Variants in ZNF641 observed in about 807,000 individuals in gnomAD.
ZNF641 encodes the protein zinc finger protein 641.
In ZNF641, 26 loss-of-function variants were observed where a neutral mutation model predicts 46.2. The ratio of observed to expected loss-of-function variants is 0.56; its 90% confidence interval spans 0.41 to 0.78. ZNF641 has a LOEUF of 0.78. Ranked by LOEUF, ZNF641 falls within the 30% of genes least tolerant of loss-of-function variation. The pLI, the probability that ZNF641 is intolerant of heterozygous loss-of-function variation, is 0.00. For missense variants in ZNF641, 469 were observed against 517.8 expected, an observed-to-expected ratio of 0.91 and a Z score of 0.91; for synonymous variants, 163 against 187.9, an observed-to-expected ratio of 0.87 and a Z score of 1.09.
Position 48,343,429 on chromosome 12 carries a change from AGT to A in ZNF641, c.817_818del (p.Thr273TrpfsTer11), listed in dbSNP as rs772772007. 6.2e-7 allele frequency: 1 copy of A among 1,614,160 alleles called. No homozygotes were observed. The highest frequency in any genetic ancestry group is 8.5e-7 in the Non-Finnish European group (1 of 1,180,006). ...TGAGGCAGCTGTAGGGTCTCTCCCCAGTGTGTGTTTGTTGATGCCTGGCAAGG... is the reference window on the plus strand; with the variant it reads ...TGAGGCAGCTGTAGGGTCTCTCCCCAGTGTGTTTGTTGATGCCTGGCAAGG... ...SHLARHQQTH[T>X]GERPYSCLKC... On this transcript the variant is annotated frameshift_variant, in exon 6 of 6. Coordinates refer to ENST00000547026, the MANE Select transcript of ZNF641 (RefSeq NM_001172681.2). LOFTEE classifies it high-confidence loss of function.
In ZNF641 at chr12:48,341,766, C is replaced by A; in HGVS notation, c.*1207G>T. Reference sequence around the variant, plus strand: ...GAAACAGCTCACCTCCCCAAAGACTCCTCTTTCTCTGCCAGGGCAAAAGCA... The same window carrying A: ...GAAACAGCTCACCTCCCCAAAGACTACTCTTTCTCTGCCAGGGCAAAAGCA... On this transcript the variant is annotated 3_prime_UTR_variant, in exon 6 of 6. Coordinates refer to ENST00000547026, the MANE Select transcript of ZNF641 (RefSeq NM_001172681.2). 1.0e-6 allele frequency: 1 copy of A among 985,488 alleles called. No homozygotes were observed. Among genetic ancestry groups the A allele is most frequent in the South Asian group, 4.7e-5 (1 of 21,290 alleles). The allele number at this position is 985,488 out of a possible 1,614,324, so 61.0% of individuals were successfully genotyped here.
Position 48,341,360 on chromosome 12 carries a change from A to G in ZNF641, c.*1613T>C, listed in dbSNP as rs1952712467. 1 of 985,282 alleles carries G rather than the reference A, an allele frequency of 1.0e-6. No individual in the cohort carries two copies. The highest frequency in any genetic ancestry group is 1.2e-6 in the Non-Finnish European group (1 of 829,876). The allele number at this position is 985,282 out of a possible 1,614,324, so 61.0% of individuals were successfully genotyped here. On this transcript the variant is annotated 3_prime_UTR_variant, in exon 6 of 6. Transcript: ENST00000547026. ...TTACATACAAGATAATTTTTAAATT[A>G]TAAGATTGGTATTAACACAATTATT...
At chr12:48,346,994 C>CA (rs1477746587) in intron 3 of ZNF641, among the ~76,000 whole-genome samples, 3 of 152,190 alleles carry the variant, frequency 2.0e-5, no homozygotes, top group Non-Finnish European at 4.4e-5. Context: ...CAGGGCAACA[C>CA]AGTGAGATTC....
In ZNF641 at chr12:48,341,098, A is replaced by G; in HGVS notation, c.*1875T>C. 2.0e-6 allele frequency: 2 copies of G among 985,448 alleles called. No homozygotes were observed. Among genetic ancestry groups the G allele is most frequent in the Non-Finnish European group, 2.4e-6 (2 of 829,934 alleles). The allele number at this position is 985,448 out of a possible 1,614,324, so 61.0% of individuals were successfully genotyped here. A position where few individuals can be genotyped will look rare whatever the true frequency, so the allele number is the denominator to read the frequency against. Reference sequence around the variant, plus strand: ...AACTCTAAGAAGCCCAGTCAGCAAAATAAGTCTATCTTCAATTCTAGTTGA... The same window carrying G: ...AACTCTAAGAAGCCCAGTCAGCAAAGTAAGTCTATCTTCAATTCTAGTTGA... On this transcript the variant is annotated 3_prime_UTR_variant, in exon 6 of 6. Transcript: ENST00000547026.
In ZNF641 at chr12:48,350,166, G is replaced by A; in HGVS notation, c.-26+620C>T. On this transcript the variant is annotated intron_variant, in intron 1 of 5. Transcript: ENST00000547026. ...TGATCCCATGCCCACTGCAGTGTGG[G>A]TTCTAGGGCTTTCATTTCCCCCTTT... 3.8e-6 allele frequency: 6 copies of A among 1,590,958 alleles called. No homozygotes were observed. The South Asian group carries it at 6.8e-5, about 18-fold the overall frequency.
At position 48,337,450 on chromosome 12, in the gene ZNF641, A is replaced by T. The variant is rs1231804221; in HGVS notation, c.*5523T>A. The T allele has an allele frequency of 6.6e-6, 1 of 152,244 alleles. No individual in the cohort carries two copies. Among genetic ancestry groups the T allele is most frequent in the African/African-American group, 2.4e-5 (1 of 41,452 alleles). The allele number at this position is 152,244 out of a possible 1,614,324, so 9.4% of individuals were successfully genotyped here. On this transcript the variant is annotated 3_prime_UTR_variant, in exon 6 of 6. Transcript: ENST00000547026. ...GAAGAACACACTGAGAGCAGGAGCA[A>T]GGGTCACATTTGATCTCCCAGGCCT...
chr12:48,350,415 C>G (rs1233371941), intron 1 of ZNF641: 1 of 340,512 alleles, frequency 2.9e-6, no homozygotes, highest in East Asian at 5.7e-5. Flanking sequence ...TGTCACAGTG[C>G]CCCTGGAAAG....
rs758691918 is a variant in ZNF641, at chr12:48,340,156, C to G, written c.*2817G>C. On this transcript the variant is annotated 3_prime_UTR_variant, in exon 6 of 6. Coordinates refer to ENST00000547026, the MANE Select transcript of ZNF641 (RefSeq NM_001172681.2). ...GGCTGTTGCTTGTTTTATTTTTTGT[C>G]CAAGAGAGGTGGTGTTGGACCGAGG... 1.4e-5 allele frequency: 14 copies of G among 985,322 alleles called. No individual in the cohort carries two copies. The highest frequency in any genetic ancestry group is 1.7e-5 in the African/African-American group (1 of 57,324). The allele number at this position is 985,322 out of a possible 1,614,324, so 61.0% of individuals were successfully genotyped here. A position where few individuals can be genotyped will look rare whatever the true frequency, so the allele number is the denominator to read the frequency against.
At chr12:48,348,970 G>C (rs1417683242) in intron 1 of ZNF641, among the ~76,000 whole-genome samples, 3 of 152,218 alleles carry the variant, frequency 2.0e-5, no homozygotes, top group Non-Finnish European at 2.9e-5. Context: ...TTTGAAAGAA[G>C]CGTATGGTGA....
chr12:48,345,606 G>A lies in ZNF641; in HGVS notation c.277-132C>T, dbSNP rs3751274. ...GAAAAGAGCTGCCCAGAAGTCCCTG[G>A]GTAGGGCACATAGTTTTGGTAACAG... is the stretch of plus-strand genomic sequence containing the variant. On this transcript the variant is annotated intron_variant, in intron 3 of 5. Transcript: ENST00000547026. The A allele has an allele frequency of 5.3e-3, 5,780 of 1,084,228 alleles. 247 individuals carry two copies. The East Asian group carries it at 0.1, about 20-fold the overall frequency. 67.2% of individuals were successfully genotyped at this position (1,084,228 alleles called of 1,614,324 possible). A position where few individuals can be genotyped will look rare whatever the true frequency, so the allele number is the denominator to read the frequency against.
chr12:48,346,829 G>A (rs1952884462), intron 3 of ZNF641, among the ~76,000 whole-genome samples: 1 of 152,136 alleles, frequency 6.6e-6, no homozygotes, highest in South Asian at 2.1e-4. Flanking sequence ...TGGCCAACGT[G>A]GCAAAACCTT....
chr12:48,343,012 A>C lies in ZNF641; in HGVS notation c.1236T>G (p.Ser412Arg), dbSNP rs530654346. 9 of 1,614,046 alleles carry C rather than the reference A, an allele frequency of 5.6e-6. No homozygotes were observed. In the South Asian group the frequency reaches 9.9e-5, roughly 18 times the overall value. The change falls in exon 6 of 6, where the codon AGT (serine) becomes AGG (arginine). Residue 412 changes from serine to arginine, a missense_variant. Coordinates refer to ENST00000547026, the MANE Select transcript of ZNF641 (RefSeq NM_001172681.2). ...DRHLLTHQGQ[S>R]PRNSWDRGTS... Reference sequence around the variant, plus strand: ...TTCCTCTGTCCCAGCTGTTCCGGGGACTTTGTCCCTGGTGGGTGAGCAGGT... The same window carrying C: ...TTCCTCTGTCCCAGCTGTTCCGGGGCCTTTGTCCCTGGTGGGTGAGCAGGT...
rs1197621041 is a variant in ZNF641, at chr12:48,338,220, G to A, written c.*4753C>T. On this transcript the variant is annotated 3_prime_UTR_variant, in exon 6 of 6. Transcript: ENST00000547026. Reference sequence around the variant, plus strand: ...ATGGAATAGAATTGGCCAGAAGCTTGAAGAGATAAACTAGAATGGAAGAAG... The same window carrying A: ...ATGGAATAGAATTGGCCAGAAGCTTAAAGAGATAAACTAGAATGGAAGAAG... 1.3e-5 allele frequency: 2 copies of A among 152,350 alleles called. No individual in the cohort carries two copies. Among genetic ancestry groups the A allele is most frequent in the Non-Finnish European group, 2.9e-5 (2 of 68,158 alleles). The allele number at this position is 152,350 out of a possible 1,614,324, so 9.4% of individuals were successfully genotyped here. A position where few individuals can be genotyped will look rare whatever the true frequency, so the allele number is the denominator to read the frequency against.
In ZNF641 at chr12:48,342,515, T is replaced by G. The variant is rs1355775830; in HGVS notation, c.*458A>C. On this transcript the variant is annotated 3_prime_UTR_variant, in exon 6 of 6. Coordinates refer to ENST00000547026, the MANE Select transcript of ZNF641 (RefSeq NM_001172681.2). ...ATACATTTAGGAAACACTGCCTTAA[T>G]AGAACCTTCAGTTGGGTCTACTGCA... 1 of 846,016 alleles carries G rather than the reference T, an allele frequency of 1.2e-6. No homozygotes were observed. Among genetic ancestry groups the G allele is most frequent in the East Asian group, 1.2e-4 (1 of 8,376 alleles). 52.4% of individuals were successfully genotyped at this position (846,016 alleles called of 1,614,324 possible). A position where few individuals can be genotyped will look rare whatever the true frequency, so the allele number is the denominator to read the frequency against.
chr12:48,345,648 G>C (rs533669075), intron 3 of ZNF641, among the ~76,000 whole-genome samples, 174 bp from the exon 4 acceptor site: 2 of 152,308 alleles, frequency 1.3e-5, no homozygotes, highest in African/African-American at 4.8e-5. Context: ...GAGGAGAGGA[G>C]TAAAGGTAGA....
In ZNF641 at chr12:48,339,957, T is replaced by A. The variant is rs766326611; in HGVS notation, c.*3016A>T. On this transcript the variant is annotated 3_prime_UTR_variant, in exon 6 of 6. Coordinates refer to ENST00000547026, the MANE Select transcript of ZNF641 (RefSeq NM_001172681.2). ...AAAGGGGAGGATACTCAGAATAGGG[T>A]GGAGGTACCAGATGGAAAAATGTGA... 1.1e-4 allele frequency: 105 copies of A among 985,388 alleles called. 1 individual carries two copies. Among genetic ancestry groups the A allele is most frequent in the Non-Finnish European group, 1.2e-4 (102 of 829,916 alleles). 61.0% of individuals were successfully genotyped at this position (985,388 alleles called of 1,614,324 possible).
At chr12:48,350,469 G>A (rs1190313330) in intron 1 of ZNF641, 4 of 207,028 alleles carry the variant, frequency 1.9e-5, no homozygotes, top group Non-Finnish European at 3.0e-5. Context: ...CTGGAGCAGG[G>A]GAAGTGAGGT....
At chr12:48,347,880 C>T (rs118052620) in intron 2 of ZNF641, 27 bp downstream of exon 2, 57,629 of 1,607,822 alleles carry the variant, frequency 0.036, 1,203 homozygotes, top group Non-Finnish European at 0.04. Context: ...ATGCACTGTG[C>T]TTCCCACACA....
In ZNF641 at chr12:48,340,388, T is replaced by C; in HGVS notation, c.*2585A>G. The stretch of plus-strand genomic sequence containing the variant: ...GGGCGTGATCTAATAGTAAGGAATA[T>C]CACTTCCCACAAGTCCTTCAAACAA... On this transcript the variant is annotated 3_prime_UTR_variant, in exon 6 of 6. Coordinates refer to ENST00000547026, the MANE Select transcript of ZNF641 (RefSeq NM_001172681.2). 2 of 985,438 alleles carry C rather than the reference T, an allele frequency of 2.0e-6. No homozygotes were observed. Among genetic ancestry groups the C allele is most frequent in the Non-Finnish European group, 2.4e-6 (2 of 829,940 alleles). 61.0% of individuals were successfully genotyped at this position (985,438 alleles called of 1,614,324 possible).
Sources: allele counts gnomAD v4.1 joint callset (sites outside exome capture counted in the v4.1 genomes callset), GRCh38; gene constraint gnomAD v4.1.1; transcripts MANE v1.5; gene names NCBI Gene and HGNC (gene_info 2026-07-23, HGNC 2026-07-21).